Variants in HCLS1 observed in about 807,000 individuals in gnomAD.
The protein encoded by HCLS1 is hematopoietic cell-specific Lyn substrate 1.
HCLS1 carries 44 observed loss-of-function variants against 68.6 expected under a neutral mutation model. The observed-to-expected ratio is 0.64, with a 90% CI of 0.50 to 0.82. HCLS1 has a LOEUF of 0.82. HCLS1 is among the 40% of genes least tolerant of loss of function. HCLS1 has a pLI of 0.00. For synonymous variants in HCLS1, 217 were observed against 225.8 expected (o/e 0.96, Z 0.35); for missense variants, 602 against 612.1 (o/e 0.98, Z 0.17).
chr3:121,656,535 C>A (rs1044595655), intron 3 of HCLS1, among the ~76,000 whole-genome samples: 1 of 152,006 alleles, frequency 6.6e-6, no homozygotes, highest in Non-Finnish European at 1.5e-5. Flanking sequence ...CTGGATATGT[C>A]TGTAAGTTCC....
intron 9 of HCLS1, among the ~76,000 whole-genome samples, chr3:121,635,237 T>TTCTC (rs201290743): frequency 0.042 from 4,775 of 114,248 alleles, 162 homozygotes; most frequent in African/African-American, 0.092. Flanking sequence ...TCTCTCCCTT[T>TTCTC]TCTCTCTCTC....
intron 1 of HCLS1, among the ~76,000 whole-genome samples, chr3:121,659,799 T>G (rs898153708): frequency 1.3e-5 from 2 of 152,134 alleles, no homozygotes; most frequent in African/African-American, 4.8e-5. Context: ...AAAACTGGAA[T>G]GGAGAAGTTT....
chr3:121,642,832 G>C (rs1055806098), intron 6 of HCLS1, 95 bp downstream of exon 6: 64 of 983,170 alleles, frequency 6.5e-5, no homozygotes, highest in Admixed American at 3.3e-4. Flanking sequence ...GGTCATGGAA[G>C]TTAAAAAGCT....
At chr3:121,644,305 C>T (rs1360999994) in intron 5 of HCLS1, 1 of 210,228 alleles carries the variant, frequency 4.8e-6, no homozygotes, top group African/African-American at 2.3e-5. Flanking sequence ...TTTAAAACAA[C>T]ATTTTGTTTT....
At chr3:121,642,224 C>T (rs1054348348) in intron 6 of HCLS1, among the ~76,000 whole-genome samples, 1 of 149,886 alleles carries the variant, frequency 6.7e-6, no homozygotes, top group African/African-American at 2.5e-5. Context: ...CTTTGGGAGG[C>T]CGAGTCGGGT....
At chr3:121,649,750 T>G (rs1042693556) in intron 3 of HCLS1, among the ~76,000 whole-genome samples, 2 of 152,228 alleles carry the variant, frequency 1.3e-5, no homozygotes, top group African/African-American at 4.8e-5. Flanking sequence ...AGATATCCAA[T>G]TTAAGTTTTA....
At chr3:121,633,217 A>T in intron 10 of HCLS1, 46 bp from the exon 11 acceptor site, 2 of 1,235,866 alleles carry the variant, frequency 1.6e-6, no homozygotes, top group Admixed American at 2.5e-5. Flanking sequence ...CTCCATCTTC[A>T]CTCCTTTTTT....
intron 4 of HCLS1, among the ~76,000 whole-genome samples, chr3:121,645,277 G>T (rs1267258962): frequency 6.6e-6 from 1 of 152,116 alleles, no homozygotes; most frequent in Admixed American, 6.5e-5. Context: ...TGTAGTGTGG[G>T]GTAGTGTGGA....
In HCLS1 at chr3:121,632,357, ATCTTCAGGCTCGAGCACCTCCTCATAG is replaced by A; in HGVS notation, c.1188_1214del (p.Tyr397_Asp405del). 6.2e-7 allele frequency: 1 copy of A among 1,614,108 alleles called. No individual in the cohort carries two copies. Among genetic ancestry groups the A allele is most frequent in the Non-Finnish European group, 8.5e-7 (1 of 1,179,998 alleles). On this transcript the variant is annotated inframe_deletion, in exon 12 of 14. Transcript: ENST00000314583. ...CAGCCAGAGCAGAAGAAAAAGAAGA[ATCTTCAGGCTCGAGCACCTCCTCATAG>A]TCCCCCTCTGGTTCATCCTCCTGCT...
In HCLS1 at chr3:121,646,990, T is replaced by A. The variant is rs7628761; in HGVS notation, c.288+329A>T. Among the ~76,000 whole-genome samples the A allele has an allele frequency of 4.9e-4, 62 of 125,794 alleles. 1 individual carries two copies. Among genetic ancestry groups the A allele is most frequent in the African/African-American group, 9.2e-4 (31 of 33,726 alleles). 82.5% of individuals were successfully genotyped at this position (125,794 alleles called of 152,430 possible). A position where few individuals can be genotyped will look rare whatever the true frequency, so the allele number is the denominator to read the frequency against. ...ATTATTTATTTATTTTATTTATTTT[T>A]TTTTTTTTTGAGACAGAGTCTCGCT... On this transcript the variant is annotated intron_variant, in intron 4 of 13. Coordinates refer to ENST00000314583, the MANE Select transcript of HCLS1 (RefSeq NM_005335.6).
rs1050235629 is a variant in HCLS1, at chr3:121,634,516, G to A, written c.692-98C>T. The A allele has an allele frequency of 1.1e-5, 13 of 1,134,532 alleles. No individual in the cohort carries two copies. In the African/African-American group the frequency reaches 1.5e-4, roughly 13 times the overall value. The allele number at this position is 1,134,532 out of a possible 1,614,324, so 70.3% of individuals were successfully genotyped here. A position where few individuals can be genotyped will look rare whatever the true frequency, so the allele number is the denominator to read the frequency against. ...AGAAGGGGAATCAGTTAAATATCCGGGAGGAGGGATTTGTGGGACAGGATG... is the reference window on the plus strand; with the variant it reads ...AGAAGGGGAATCAGTTAAATATCCGAGAGGAGGGATTTGTGGGACAGGATG... On this transcript the variant is annotated intron_variant, in intron 9 of 13. Coordinates refer to ENST00000314583, the MANE Select transcript of HCLS1 (RefSeq NM_005335.6).
intron 3 of HCLS1, 129 bp from the exon 4 acceptor site, chr3:121,647,577 C>A: frequency 1.2e-6 from 1 of 839,754 alleles, no homozygotes; most frequent in Non-Finnish European, 1.9e-6. Context: ...CCAAAATATA[C>A]TAGTGATGGG....
chr3:121,656,686 A>G (rs1012070131), intron 3 of HCLS1, among the ~76,000 whole-genome samples: 1 of 152,254 alleles, frequency 6.6e-6, no homozygotes, highest in Non-Finnish European at 1.5e-5. Context: ...ACATTTCTTC[A>G]TATTACCATT....
chr3:121,657,417 C>T lies in HCLS1; in HGVS notation c.85-65G>A, dbSNP rs1576222669. ...ATGTGCCACATTGAGAAGGGCCACC[C>T]AACTGACACATGCCCTCCATGTCCC... is the stretch of plus-strand genomic sequence containing the variant. On this transcript the variant is annotated intron_variant, in intron 2 of 13. Coordinates refer to ENST00000314583, the MANE Select transcript of HCLS1 (RefSeq NM_005335.6). 5 of 1,409,232 alleles carry T rather than the reference C, an allele frequency of 3.5e-6. No homozygotes were observed. The East Asian group carries it at 1.1e-4, about 32-fold the overall frequency. The allele number at this position is 1,409,232 out of a possible 1,614,324, so 87.3% of individuals were successfully genotyped here. A position where few individuals can be genotyped will look rare whatever the true frequency, so the allele number is the denominator to read the frequency against.
At chr3:121,634,473 G>A (rs570766248) in intron 9 of HCLS1, 55 bp from the exon 10 acceptor site, 49 of 1,533,824 alleles carry the variant, frequency 3.2e-5, no homozygotes, top group Non-Finnish European at 4.2e-5. Context: ...AGTGGGGAAG[G>A]GCATGGCACT....
In HCLS1 at chr3:121,658,021, C is replaced by T. The variant is rs998636810; in HGVS notation, c.84+243G>A. 5.6e-5 allele frequency: 26 copies of T among 462,260 alleles called. No individual in the cohort carries two copies. The East Asian group carries it at 9.9e-4, about 18-fold the overall frequency. The allele number at this position is 462,260 out of a possible 1,614,324, so 28.6% of individuals were successfully genotyped here. ...ACCTGCTTCTCACCTTCAGTGTAGCCTGCCATGGCCTGTCAATCACACTGT... is the reference window on the plus strand; with the variant it reads ...ACCTGCTTCTCACCTTCAGTGTAGCTTGCCATGGCCTGTCAATCACACTGT... On this transcript the variant is annotated intron_variant, in intron 2 of 13. Transcript: ENST00000314583.
rs373397783 is a variant in HCLS1, at chr3:121,634,158, G to A, written c.903+49C>T. On this transcript the variant is annotated intron_variant, in intron 10 of 13. Transcript: ENST00000314583. ...AATGGTTTGGACCCCTTAGGCTCCTGTCTGGGCAAGAGATCCTGGATGTGG... is the reference window on the plus strand; with the variant it reads ...AATGGTTTGGACCCCTTAGGCTCCTATCTGGGCAAGAGATCCTGGATGTGG... The A allele has an allele frequency of 8.1e-6, 13 of 1,611,522 alleles. No homozygotes were observed. The African/African-American group carries it at 1.6e-4, about 20-fold the overall frequency.
chr3:121,640,447 G>A (rs968247544), intron 6 of HCLS1, among the ~76,000 whole-genome samples: 9 of 151,884 alleles, frequency 5.9e-5, no homozygotes, highest in Admixed American at 2.0e-4. Context: ...CATGAGGAAC[G>A]CAGATTAGTC....
chr3:121,632,640 C>T, intron 11 of HCLS1, 77 bp from the exon 12 acceptor site: 1 of 1,242,978 alleles, frequency 8.0e-7, no homozygotes, highest in Non-Finnish European at 1.1e-6. Context: ...AGATCCCCCG[C>T]CCTTCACCAC....
Sources: gnomAD v4.1 joint callset for allele counts (sites outside exome capture counted in the v4.1 genomes callset) on GRCh38, gnomAD v4.1.1 for gene constraint, MANE v1.5 for transcripts, NCBI Gene and HGNC (gene_info 2026-07-23, HGNC 2026-07-21) for gene names.